The following ETV7 variants were observed in gnomAD, a reference collection of about 807,000 sequenced individuals.
ETV7 encodes the protein ETS variant transcription factor 7, also known as transcription factor ETV7.
Under a neutral mutation model 39.1 loss-of-function variants are expected in ETV7, and 43 were observed. The observed-to-expected ratio is 1.10, with a 90% CI of 0.86 to 1.42. The LOEUF is 1.42. Among genes scored for constraint, ETV7 ranks in the 40% most tolerant of loss-of-function variants. The pLI is 0.00. For missense variants in ETV7, 432 were observed against 442.3 expected (o/e 0.98, Z 0.21); for synonymous variants, 196 against 176.6 (o/e 1.11, Z -0.87).
Position 36,387,655 on chromosome 6 carries a change from G to A in ETV7, c.-114C>T, listed in dbSNP as rs1773983560. 6 of 1,221,570 alleles carry A rather than the reference G, an allele frequency of 4.9e-6. No individual in the cohort carries two copies. The highest frequency in any genetic ancestry group is 7.1e-6 in the Non-Finnish European group (6 of 849,964). The allele number at this position is 1,221,570 out of a possible 1,614,324, so 75.7% of individuals were successfully genotyped here. On this transcript the variant is annotated 5_prime_UTR_variant, in exon 1 of 8. Coordinates refer to ENST00000340181, the MANE Select transcript of ETV7 (RefSeq NM_016135.4). ...TCCTCCTCCGCCAAACCCCTAACCT[G>A]GCTCCGAGAACTGGAAGGTCGCGTG... is the stretch of plus-strand genomic sequence containing the variant.
chr6:36,363,038 CG>C (rs1227748169), downstream of ETV7, among the ~76,000 whole-genome samples: 1 of 152,172 alleles, frequency 6.6e-6, no homozygotes, highest in Non-Finnish European at 1.5e-5. Context: ...TTCGCTCTGG[CG>C]GCAGTTCCCT....
intron 2 of ETV7, among the ~76,000 whole-genome samples, chr6:36,383,033 C>T (rs1472480152): frequency 6.6e-5 from 10 of 152,056 alleles, no homozygotes; most frequent in Non-Finnish European, 8.8e-5. Context: ...ACTGCCTCCT[C>T]TCAGAATTCT....
chr6:36,376,257 A>G (rs1361448885), intron 2 of ETV7, among the ~76,000 whole-genome samples: 1 of 142,424 alleles, frequency 7.0e-6, no homozygotes, highest in Non-Finnish European at 1.5e-5. Context: ...TTATGTATGT[A>G]GCATGTATTT....
intron 7 of ETV7, among the ~76,000 whole-genome samples, chr6:36,357,805 T>A (rs764301600): frequency 6.6e-6 from 1 of 152,014 alleles, no homozygotes; most frequent in Non-Finnish European, 1.5e-5. Flanking sequence ...TTGAACCTGG[T>A]AGGTGGAGGT....
intron 2 of ETV7, 24 bp from the exon 3 acceptor site, chr6:36,376,059 C>T (rs1402432700): frequency 2.5e-6 from 4 of 1,583,006 alleles, no homozygotes; most frequent in Middle Eastern, 1.8e-4. Context: ...GGACCAGTCC[C>T]ATCACTCCCC....
Position 36,366,744 on chromosome 6 carries a change from T to TC in ETV7, c.926dup (p.Met311AspfsTer103), listed in dbSNP as rs1168145071. On this transcript the variant is annotated frameshift_variant, in exon 8 of 8. Coordinates refer to ENST00000340181, the MANE Select transcript of ETV7 (RefSeq NM_016135.4). LOFTEE classifies it low-confidence loss of function (END_TRUNC). ...GGCTGTGCTTGTCCTGGACCATCTTTCCCGGAGTCTTTAGAAATCTAGAAT... is the reference window on the plus strand; with the variant it reads ...GGCTGTGCTTGTCCTGGACCATCTTTCCCCGGAGTCTTTAGAAATCTAGAAT... 1.2e-6 allele frequency: 2 copies of TC among 1,613,932 alleles called. No homozygotes were observed. The highest frequency in any genetic ancestry group is 2.2e-5 in the South Asian group (2 of 91,070).
At position 36,370,386 on chromosome 6, in the gene ETV7, T is replaced by A. The variant is rs1582186723; in HGVS notation, c.664+944A>T. The stretch of plus-strand genomic sequence containing the variant: ...ACCGTCTCTACTAATAAAACAAAAA[T>A]TAGCCAGGTGTGGTGGTGGGCGCCT... On this transcript the variant is annotated intron_variant, in intron 5 of 7. Transcript: ENST00000340181. Among the ~76,000 whole-genome samples, 2 of 151,778 alleles carry A rather than the reference T, an allele frequency of 1.3e-5. 1 individual carries two copies. Among genetic ancestry groups the A allele is most frequent in the South Asian group, 4.2e-4 (2 of 4,802 alleles).
chr6:36,375,780 C>T, intron 3 of ETV7, 91 bp downstream of exon 3: 3 of 1,589,846 alleles, frequency 1.9e-6, no homozygotes, highest in Non-Finnish European at 2.6e-6. Flanking sequence ...GAAGACCCCT[C>T]CATCTCCCTC....
At chr6:36,363,679 G>A (rs1053904880), downstream of ETV7, among the ~76,000 whole-genome samples, 5 of 152,230 alleles carry the variant, frequency 3.3e-5, no homozygotes, top group East Asian at 9.6e-4. Flanking sequence ...CCCACATCCT[G>A]CTGATTGGTA....
rs1179133306 is a variant in ETV7, at chr6:36,375,877, T to C, written c.301A>G (p.Ser101Gly). 7.4e-6 allele frequency: 12 copies of C among 1,614,092 alleles called. 1 individual carries two copies. The highest frequency in any genetic ancestry group is 1.0e-5 in the Non-Finnish European group (12 of 1,180,022). Residue 101 changes from serine to glycine, a missense_variant, in exon 3 of 8, where the codon AGC becomes GGC. Ser to Gly is a moderately conservative substitution (Grantham distance 56). Transcript: ENST00000340181. ...GCCTGTGCGTTTCCCTGACCTGAGC[T>C]GGGCGCACGGTGCCGGAAGTCGTCC... Reference protein sequence around the residue: ...TKDDFRHRAPSSGDVLYELLQ... With the variant: ...TKDDFRHRAPGSGDVLYELLQ...
At chr6:36,364,981 C>T (rs1308414238), downstream of ETV7, among the ~76,000 whole-genome samples, 1 of 152,212 alleles carries the variant, frequency 6.6e-6, no homozygotes, top group Non-Finnish European at 1.5e-5. Context: ...AGTTTCCCTG[C>T]TCATGGGCTA....
At chr6:36,379,773 G>A (rs1312829449) in intron 2 of ETV7, among the ~76,000 whole-genome samples, 5 of 151,732 alleles carry the variant, frequency 3.3e-5, no homozygotes, top group Admixed American at 2.0e-4. Context: ...CTACTTGGGA[G>A]GCTGAGACGG....
At chr6:36,370,395 TGTG>T (rs556540807) in intron 5 of ETV7, among the ~76,000 whole-genome samples, 58 of 151,736 alleles carry the variant, frequency 3.8e-4, no homozygotes, top group Non-Finnish European at 6.6e-4. Context: ...ATTAGCCAGG[TGTG>T]GTGGTGGGCG....
At chr6:36,369,153 C>A (rs781201144) in intron 5 of ETV7, 82 bp from the exon 6 acceptor site, 80 of 1,554,666 alleles carry the variant, frequency 5.1e-5, no homozygotes, top group Non-Finnish European at 6.7e-5. Context: ...CTCTTGGAAG[C>A]CTCCCGGCCA....
chr6:36,362,175 G>A (rs1414467438), downstream of ETV7, among the ~76,000 whole-genome samples: 3 of 152,176 alleles, frequency 2.0e-5, no homozygotes, highest in East Asian at 5.8e-4. Flanking sequence ...GCGGGCACCT[G>A]TAGTCCCAGC....
At position 36,366,687 on chromosome 6, in the gene ETV7, G is replaced by A. The variant is rs1284265925; in HGVS notation, c.984C>T (p.Asp328=). 8 of 1,614,100 alleles carry A rather than the reference G, an allele frequency of 5.0e-6. No individual in the cohort carries two copies. The highest frequency in any genetic ancestry group is 1.7e-5 in the Admixed American group (1 of 60,012). Residue 328 remains aspartate, a synonymous_variant, in exon 8 of 8, where the codon GAC becomes GAT. Transcript: ENST00000340181. ...GCCTCTTGTCCTTGAACTCTATTCT[G>A]TCCTGCTCCTGGCTCTCCAGCGGCT... The part of the protein sequence containing the change: ...HLEPLESQEQ[D]RIEFKDKRPE...
In ETV7 at chr6:36,373,556, G is replaced by A. The variant is rs151176815; in HGVS notation, c.330C>T (p.Leu110=). 1.3e-3 allele frequency: 1,713 copies of A among 1,291,014 alleles called. 5 individuals are homozygous for A. Among genetic ancestry groups the A allele is most frequent in the Non-Finnish European group, 1.6e-3 (1,520 of 970,732 alleles). 80.0% of individuals were successfully genotyped at this position (1,291,014 alleles called of 1,614,324 possible). A position where few individuals can be genotyped will look rare whatever the true frequency, so the allele number is the denominator to read the frequency against. The part of the protein sequence containing the change: ...PSSGDVLYEL[L]QYIKTQRRAL... ...CTCGCCGCTGGGTCTTGATGTACTGGAGCAGCTCATACAGGACGTCACCTG... is the reference window on the plus strand; with the variant it reads ...CTCGCCGCTGGGTCTTGATGTACTGAAGCAGCTCATACAGGACGTCACCTG... The change falls in exon 4 of 8, where the codon CTC becomes CTT. Residue 110 remains leucine (L), a synonymous_variant. Transcript: ENST00000340181.
chr6:36,377,018 C>T (rs1359141061), intron 2 of ETV7, among the ~76,000 whole-genome samples: 2 of 152,190 alleles, frequency 1.3e-5, no homozygotes, highest in Non-Finnish European at 2.9e-5. Flanking sequence ...TTATTTCTGG[C>T]AGTAGCCAGA....
At chr6:36,374,184 C>A (rs1773186225) in intron 3 of ETV7, among the ~76,000 whole-genome samples, 1 of 151,752 alleles carries the variant, frequency 6.6e-6, no homozygotes, top group Non-Finnish European at 1.5e-5. Flanking sequence ...ATGGATAGAC[C>A]CTGTCTCTAC....
Sources: allele counts gnomAD v4.1 joint callset (sites outside exome capture counted in the v4.1 genomes callset), GRCh38; gene constraint gnomAD v4.1.1; transcripts MANE v1.5; gene names NCBI Gene and HGNC (gene_info 2026-07-23, HGNC 2026-07-21).